Variants in PAPPA observed in about 807,000 individuals in gnomAD.
PAPPA encodes pappalysin 1.
A neutral mutation model predicts 164.0 loss-of-function variants in PAPPA; 60 were observed. That is an observed-to-expected ratio of 0.37 (90% CI 0.30 to 0.45). The LOEUF is 0.45. Ranked by LOEUF, PAPPA falls within the 20% of genes least tolerant of loss-of-function variation. The pLI is 1.00. For synonymous variants in PAPPA, 875 were observed against 814.1 expected, an observed-to-expected ratio of 1.07 and a Z score of -1.27; for missense variants, 1,782 against 2,087.3, an observed-to-expected ratio of 0.85 and a Z score of 2.85.
Position 116,341,248 on chromosome 9 carries a change from C to A in PAPPA, c.3612-3295C>A, listed in dbSNP as rs192216303. 7.6e-3 allele frequency among the ~76,000 whole-genome samples: 1,163 copies of A among 152,126 alleles called. 16 individuals are homozygous for A. The highest frequency in any genetic ancestry group is 0.027 in the African/African-American group (1,108 of 41,484). On this transcript the variant is annotated intron_variant, in intron 13 of 21. Coordinates refer to ENST00000328252, the MANE Select transcript of PAPPA (RefSeq NM_002581.5). Reference sequence around the variant, plus strand: ...TAGAGACAGGGATGCACCATGGTGGCCAGGCTGGTCTTGAACTCCTGACCT... The same window carrying A: ...TAGAGACAGGGATGCACCATGGTGGACAGGCTGGTCTTGAACTCCTGACCT...
intron 1 of PAPPA, among the ~76,000 whole-genome samples, chr9:116,163,742 C>T (rs1843693722): frequency 6.6e-6 from 1 of 152,136 alleles, no homozygotes; most frequent in Non-Finnish European, 1.5e-5. Context: ...TTCCACACCT[C>T]AGCAACACTG....
At chr9:116,282,758 G>A (rs1005544913) in intron 9 of PAPPA, among the ~76,000 whole-genome samples, 2 of 152,166 alleles carry the variant, frequency 1.3e-5, no homozygotes, top group African/African-American at 4.8e-5. Context: ...CAGCCTAGCA[G>A]CAAACAGATA....
Position 116,235,275 on chromosome 9 carries a change from C to A in PAPPA, c.2370C>A (p.Pro790=), listed in dbSNP as rs1420803094. 1 of 1,614,170 alleles carries A rather than the reference C, an allele frequency of 6.2e-7. No individual in the cohort carries two copies. The highest frequency in any genetic ancestry group is 8.5e-7 in the Non-Finnish European group (1 of 1,180,022). The change falls in exon 7 of 22, where the codon CCC becomes CCA. Residue 790 remains proline (P), a synonymous_variant. Transcript: ENST00000328252. ...GCYLELEFLY[P]LVPESLTIWV... ...ACCTCGAGCTGGAGTTCCTCTACCC[C>A]TTGGTCCCTGAGTCTCTGACCATTT... is the stretch of plus-strand genomic sequence containing the variant.
intron 1 of PAPPA, among the ~76,000 whole-genome samples, chr9:116,156,431 C>T (rs1843606388): frequency 6.6e-6 from 1 of 151,144 alleles, no homozygotes; most frequent in South Asian, 2.1e-4. Flanking sequence ...CCTCTCTTCA[C>T]ACACATTCTC....
At chr9:116,368,037 T>G (rs967234543) in intron 19 of PAPPA, among the ~76,000 whole-genome samples, 2 of 152,270 alleles carry the variant, frequency 1.3e-5, no homozygotes, top group African/African-American at 4.8e-5. Flanking sequence ...GATGTCAGCC[T>G]AGGAATAAAC....
In PAPPA at chr9:116,169,265, T is replaced by A. The variant is rs538410406; in HGVS notation, c.415+14678T>A. 2.0e-5 allele frequency among the ~76,000 whole-genome samples: 3 copies of A among 150,494 alleles called. No homozygotes were observed. In the East Asian group the frequency reaches 5.9e-4, roughly 29 times the overall value. The stretch of plus-strand genomic sequence containing the variant: ...ACCAGTATACCATCTATGCCAGCTT[T>A]AAGTCCCTTCCATGTGGCTGTCCTT... On this transcript the variant is annotated intron_variant, in intron 1 of 21. Coordinates refer to ENST00000328252, the MANE Select transcript of PAPPA (RefSeq NM_002581.5).
At chr9:116,284,998 T>C (rs563670020) in intron 9 of PAPPA, among the ~76,000 whole-genome samples, 1 of 152,194 alleles carries the variant, frequency 6.6e-6, no homozygotes, top group East Asian at 1.9e-4. Flanking sequence ...TTTCCTAAAG[T>C]GCAGACACCT....
intron 17 of PAPPA, among the ~76,000 whole-genome samples, chr9:116,358,065 T>C (rs555723228): frequency 2.0e-5 from 3 of 152,262 alleles, no homozygotes; most frequent in African/African-American, 7.2e-5. Flanking sequence ...ATTTCCGGGT[T>C]GTTAAATGTT....
Position 116,154,026 on chromosome 9 carries a change from G to A in PAPPA, c.-147G>A, listed in dbSNP as rs1163533326. ...GAGCACACACCTTGAGGAGGAAAGC[G>A]AGAAAGAAAAGAAAAAAGCAAGTGG... On this transcript the variant is annotated 5_prime_UTR_variant, in exon 1 of 22. Coordinates refer to ENST00000328252, the MANE Select transcript of PAPPA (RefSeq NM_002581.5). The surrounding 1 kb of genome is among the most constrained non-coding windows in gnomAD (Gnocchi z 5.2). 2 of 1,028,582 alleles carry A rather than the reference G, an allele frequency of 1.9e-6. No homozygotes were observed. The highest frequency in any genetic ancestry group is 1.1e-4 in the East Asian group (2 of 18,102). The allele number at this position is 1,028,582 out of a possible 1,614,324, so 63.7% of individuals were successfully genotyped here. A position where few individuals can be genotyped will look rare whatever the true frequency, so the allele number is the denominator to read the frequency against.
chr9:116,267,481 A>G (rs575920499), intron 8 of PAPPA, among the ~76,000 whole-genome samples: 1 of 152,374 alleles, frequency 6.6e-6, no homozygotes, highest in South Asian at 2.1e-4. Context: ...CTGTGTAACA[A>G]GATAGTAGCA....
chr9:116,331,018 T>C (rs1440286119), intron 10 of PAPPA, among the ~76,000 whole-genome samples: 1 of 152,162 alleles, frequency 6.6e-6, no homozygotes, highest in East Asian at 1.9e-4. Context: ...ATCTCTGTCA[T>C]CTCTACCATC....
chr9:116,283,958 T>A (rs180867664), intron 9 of PAPPA, among the ~76,000 whole-genome samples: 1 of 152,316 alleles, frequency 6.6e-6, no homozygotes, highest in Non-Finnish European at 1.5e-5. Context: ...CCCAAATACC[T>A]TTTTCCACCT....
chr9:116,273,979 A>G (rs1278824170), intron 9 of PAPPA, among the ~76,000 whole-genome samples: 3 of 152,176 alleles, frequency 2.0e-5, no homozygotes, highest in African/African-American at 7.2e-5. Context: ...TCAAAAGAGG[A>G]AATTGAGGTA....
chr9:116,264,160 C>A (rs1419760725), intron 7 of PAPPA, among the ~76,000 whole-genome samples: 1 of 152,106 alleles, frequency 6.6e-6, no homozygotes, highest in Non-Finnish European at 1.5e-5. Context: ...TTTTCTCCAC[C>A]CCACTCCAGT....
intron 10 of PAPPA, among the ~76,000 whole-genome samples, chr9:116,319,889 A>G (rs903930441): frequency 1.3e-5 from 2 of 152,214 alleles, no homozygotes; most frequent in Non-Finnish European, 2.9e-5. Flanking sequence ...TGGACAGTAA[A>G]TGATGGCAAA....
chr9:116,196,337 G>GT (rs1209321662), intron 2 of PAPPA, among the ~76,000 whole-genome samples: 1 of 152,074 alleles, frequency 6.6e-6, no homozygotes, highest in Non-Finnish European at 1.5e-5. Flanking sequence ...GAGGCAGTTG[G>GT]TTTTTTCCCA....
chr9:116,356,158 A>G (rs1588018265), intron 17 of PAPPA, among the ~76,000 whole-genome samples: 1 of 152,346 alleles, frequency 6.6e-6, no homozygotes, highest in East Asian at 1.9e-4. Flanking sequence ...GACTTTATTC[A>G]TTCCTTGGGA....
chr9:116,192,040 C>T (rs906088550), intron 2 of PAPPA, among the ~76,000 whole-genome samples: 17 of 152,182 alleles, frequency 1.1e-4, no homozygotes. Flanking sequence ...GCAAGGGAAG[C>T]AGCCAGGCTA....
At position 116,396,711 on chromosome 9, in the gene PAPPA, C is replaced by A; in HGVS notation, c.*95C>A. The A allele has an allele frequency of 2.8e-6, 2 of 706,566 alleles. No individual in the cohort carries two copies. The highest frequency in any genetic ancestry group is 1.6e-5 in the South Asian group (1 of 63,702). 43.8% of individuals were successfully genotyped at this position (706,566 alleles called of 1,614,324 possible). On this transcript the variant is annotated 3_prime_UTR_variant, in exon 22 of 22. Transcript: ENST00000328252. ...TCAGCTGCTCAACGGAATGGCCTCTCCACACCAGGGATCCTTAGCACCCAA... is the reference window on the plus strand; with the variant it reads ...TCAGCTGCTCAACGGAATGGCCTCTACACACCAGGGATCCTTAGCACCCAA...
Sources: gnomAD v4.1 joint callset for allele counts (sites outside exome capture counted in the v4.1 genomes callset) on GRCh38, gnomAD v4.1.1 for gene constraint, Gnocchi (gnomAD v3.1) non-coding constraint, MANE v1.5 for transcripts, NCBI Gene and HGNC (gene_info 2026-07-23, HGNC 2026-07-21) for gene names.